RBFOX3: variants seen among roughly 807,000 people sequenced by gnomAD.
RBFOX3 encodes RNA binding protein fox-1 homolog 3.
Under a neutral mutation model 48.7 loss-of-function variants are expected in RBFOX3, and 17 were observed. That is an observed-to-expected ratio of 0.35 (90% CI 0.24 to 0.52). The LOEUF (loss-of-function observed/expected upper bound fraction) is 0.52. Ranked by LOEUF, RBFOX3 falls within the 20% of genes least tolerant of loss-of-function variation. The probability of loss-of-function intolerance (pLI) is 0.94; values close to 1 mark genes in which losing one functional copy is unlikely to be tolerated. For synonymous variants in RBFOX3, 212 were observed against 209.5 expected (o/e 1.01, Z -0.10); for missense variants, 382 against 497.5 (o/e 0.77, Z 2.21).
At chr17:79,181,055 C>T (rs935329981) in intron 4 of RBFOX3, among the ~76,000 whole-genome samples, 2 of 152,176 alleles carry the variant, frequency 1.3e-5, no homozygotes, top group Non-Finnish European at 2.9e-5. Flanking sequence ...CTAATTCTAC[C>T]GAGACAGCGC....
chr17:79,378,293 G>C (rs1290775976), intron 2 of RBFOX3, among the ~76,000 whole-genome samples: 1 of 152,164 alleles, frequency 6.6e-6, no homozygotes, highest in East Asian at 1.9e-4. Context: ...AGTCCAAGAG[G>C]GGCTCAGAGA....
chr17:79,462,643 C>T (rs1555749724), intron 2 of RBFOX3, among the ~76,000 whole-genome samples: 1 of 152,162 alleles, frequency 6.6e-6, no homozygotes, highest in Non-Finnish European at 1.5e-5. Flanking sequence ...CAGTGTCCTA[C>T]AGCCCAAAAC....
chr17:79,489,577 G>A (rs1205398737), intron 1 of RBFOX3, among the ~76,000 whole-genome samples: 1 of 152,170 alleles, frequency 6.6e-6, no homozygotes, highest in Admixed American at 6.5e-5. Flanking sequence ...TTACAGGTGT[G>A]AGGCACTGCA....
At chr17:79,438,790 G>C (rs1555732748) in intron 2 of RBFOX3, among the ~76,000 whole-genome samples, 1 of 152,244 alleles carries the variant, frequency 6.6e-6, no homozygotes, top group East Asian at 1.9e-4. Context: ...TCCTCTAGAA[G>C]GGAGGAGTGC....
At chr17:79,288,443 GC>G (rs2072479470) in intron 3 of RBFOX3, among the ~76,000 whole-genome samples, 1 of 152,012 alleles carries the variant, frequency 6.6e-6, no homozygotes, top group Non-Finnish European at 1.5e-5. Flanking sequence ...TGGTAGTGGG[GC>G]CCGATAACCA....
chr17:79,518,993 C>T (rs906705114), intron 1 of RBFOX3, among the ~76,000 whole-genome samples: 3 of 152,338 alleles, frequency 2.0e-5, no homozygotes, highest in Middle Eastern at 3.4e-3. Context: ...CCAGCCATCG[C>T]GGGAGACGCG....
intron 2 of RBFOX3, among the ~76,000 whole-genome samples, chr17:79,313,036 T>A (rs2077062382): frequency 6.6e-6 from 1 of 152,218 alleles, no homozygotes. Flanking sequence ...GCCTGCATGC[T>A]GGCAGAGCTG....
At chr17:79,258,512 C>T (rs1208217280) in intron 3 of RBFOX3, among the ~76,000 whole-genome samples, 4 of 152,316 alleles carry the variant, frequency 2.6e-5, no homozygotes, top group African/African-American at 9.6e-5. Flanking sequence ...ACGGGGGTCC[C>T]TGTCTAAATG....
rs192568177 is a variant in RBFOX3, at chr17:79,214,703, G to T, written c.-34+21063C>A. Among the ~76,000 whole-genome samples, 1 of 152,166 alleles carries T rather than the reference G, an allele frequency of 6.6e-6. No homozygotes were observed. The highest frequency in any genetic ancestry group is 1.5e-5 in the Non-Finnish European group (1 of 67,976). On this transcript the variant is annotated intron_variant, in intron 4 of 14. Transcript: ENST00000693108. The surrounding 1 kb of genome is among the most constrained non-coding windows in gnomAD (Gnocchi z 4.7). ...GAGGGTGGCCATCTGGGAAGCCCAG[G>T]AGGGGAGGCTGGAGGCCCAGGGGCC...
chr17:79,226,033 T>C (rs1452243841), intron 4 of RBFOX3, among the ~76,000 whole-genome samples: 1 of 152,180 alleles, frequency 6.6e-6, no homozygotes, highest in African/African-American at 2.4e-5. Flanking sequence ...CAGGCCCATC[T>C]GGATAGGCCC....
chr17:79,520,527 G>A (rs929852545), intron 1 of RBFOX3, among the ~76,000 whole-genome samples: 13 of 152,070 alleles, frequency 8.5e-5, no homozygotes, highest in African/African-American at 2.9e-4. Flanking sequence ...AGACACACAC[G>A]TTCCCACACC....
chr17:79,218,705 G>A lies in RBFOX3; in HGVS notation c.-34+17061C>T, dbSNP rs547227183. The stretch of plus-strand genomic sequence containing the variant: ...CAGGGAACAGGGTTCCATTCTGCCT[G>A]CAGGCTCAGGGAATGTCTTTGGGGA... On this transcript the variant is annotated intron_variant, in intron 4 of 14. Coordinates refer to ENST00000693108, the MANE Select transcript of RBFOX3 (RefSeq NM_001350451.2). 3.0e-4 allele frequency among the ~76,000 whole-genome samples: 46 copies of A among 152,298 alleles called. 3 individuals carry two copies. In the South Asian group the frequency reaches 9.5e-3, roughly 32 times the overall value.
intron 2 of RBFOX3, among the ~76,000 whole-genome samples, chr17:79,332,937 G>A (rs370386347): frequency 5.9e-4 from 86 of 146,962 alleles, no homozygotes; most frequent in African/African-American, 2.0e-3. Flanking sequence ...CAGATAGACA[G>A]ACACAGAGAA....
intron 4 of RBFOX3, among the ~76,000 whole-genome samples, chr17:79,145,957 C>T (rs950582545): frequency 1.3e-5 from 2 of 152,152 alleles, no homozygotes; most frequent in Non-Finnish European, 2.9e-5. Flanking sequence ...TGGAATGAAA[C>T]TGTTCCACTT....
At chr17:79,301,912 C>T (rs1020061396) in intron 3 of RBFOX3, among the ~76,000 whole-genome samples, 24 of 152,252 alleles carry the variant, frequency 1.6e-4, no homozygotes, top group African/African-American at 5.5e-4. Context: ...ATCCGATTCA[C>T]AGAGATGGAA....
the RBFOX3 span, among the ~76,000 whole-genome samples, chr17:79,645,493 C>T: frequency 6.6e-6 from 1 of 152,212 alleles, no homozygotes; most frequent in Non-Finnish European, 1.5e-5. Context: ...ATGTCACCTT[C>T]TAAGCGAGGC....
At chr17:79,333,052 G>A (rs1374816362) in intron 2 of RBFOX3, among the ~76,000 whole-genome samples, 1 of 151,646 alleles carries the variant, frequency 6.6e-6, no homozygotes, top group Non-Finnish European at 1.5e-5. Context: ...GATAGACAGA[G>A]ACATAGAGAA....
intron 2 of RBFOX3, among the ~76,000 whole-genome samples, chr17:79,310,660 T>C (rs35084652): frequency 0.019 from 2,957 of 152,268 alleles, 111 homozygotes; most frequent in South Asian, 0.17. Flanking sequence ...CCTCCCGCAT[T>C]CCCCAGCCTC....
chr17:79,115,489 CT>C lies in RBFOX3; in HGVS notation c.222+4del. The C allele has an allele frequency of 1.5e-6, 2 of 1,322,218 alleles. No homozygotes were observed. Among genetic ancestry groups the C allele is most frequent in the Non-Finnish European group, 1.9e-6 (2 of 1,036,486 alleles). 81.9% of individuals were successfully genotyped at this position (1,322,218 alleles called of 1,614,324 possible). On this transcript the variant is annotated splice_donor_region_variant and intron_variant, in intron 5 of 14. Coordinates refer to ENST00000693108, the MANE Select transcript of RBFOX3 (RefSeq NM_001350451.2). Reference sequence around the variant, plus strand: ...GGCTGGGCCTGGGGTCGTGGGGGCCCTTACCGGCACTGTCTGGGTCCCGGCG... The same window carrying C: ...GGCTGGGCCTGGGGTCGTGGGGGCCCTACCGGCACTGTCTGGGTCCCGGCG...
Sources: gnomAD v4.1 joint callset for allele counts (sites outside exome capture counted in the v4.1 genomes callset) on GRCh38, gnomAD v4.1.1 for gene constraint, Gnocchi (gnomAD v3.1) non-coding constraint, MANE v1.5 for transcripts, NCBI Gene and HGNC (gene_info 2026-07-23, HGNC 2026-07-21) for gene names.